PPFIBP1: variants seen among roughly 807,000 people sequenced by gnomAD.
PPFIBP1 encodes liprin-beta-1.
In PPFIBP1, 112 loss-of-function variants were observed where a neutral mutation model predicts 137.8. That is an observed-to-expected ratio of 0.81 (90% CI 0.70 to 0.95). The LOEUF is 0.95. Ranked by LOEUF, PPFIBP1 falls within the 40% of genes least tolerant of loss-of-function variation. PPFIBP1 has a pLI of 0.00. For missense variants in PPFIBP1, 1,083 were observed against 1,196.6 expected (o/e 0.91, Z 1.40); for synonymous variants, 378 against 417.3 (o/e 0.91, Z 1.15).
chr12:27,563,790 G>T (rs2136454482), intron 1 of PPFIBP1, among the ~76,000 whole-genome samples: 1 of 151,158 alleles, frequency 6.6e-6, no homozygotes, highest in East Asian at 1.9e-4. Flanking sequence ...GGGTTTTTTT[G>T]TTTTTTAACA....
Position 27,691,862 on chromosome 12 carries a change from G to T in PPFIBP1, c.2799G>T (p.Lys933Asn). 1 of 1,614,088 alleles carries T rather than the reference G, an allele frequency of 6.2e-7. No homozygotes were observed. The highest frequency in any genetic ancestry group is 2.2e-5 in the East Asian group (1 of 44,868). Residue 933 changes from lysine to asparagine, a missense_variant, in exon 28 of 30, where the codon AAG becomes AAT. Lys to Asn is a moderately conservative substitution (Grantham distance 94). Coordinates refer to ENST00000228425, the MANE Select transcript of PPFIBP1 (RefSeq NM_003622.4). ...ELGQASGSAS[K>N]KGFKPGLDMR... ...GACAGGCATCAGGAAGTGCATCTAA[G>T]AAAGGATTTAAACCTGGTTTGGATA...
At chr12:27,637,805 T>C (rs979421926) in intron 4 of PPFIBP1, among the ~76,000 whole-genome samples, 4 of 152,192 alleles carry the variant, frequency 2.6e-5, no homozygotes, top group South Asian at 2.1e-4. Flanking sequence ...TGGGCCAGCA[T>C]TGGGAATCCA....
intron 2 of PPFIBP1, among the ~76,000 whole-genome samples, chr12:27,615,376 A>G (rs73080245): frequency 0.15 from 22,200 of 152,212 alleles, 1,671 homozygotes; most frequent in African/African-American, 0.16. Context: ...TGCAAAATGC[A>G]TGTCCACACC....
At chr12:27,629,144 G>A (rs7977917) in intron 2 of PPFIBP1, among the ~76,000 whole-genome samples, 1 of 152,076 alleles carries the variant, frequency 6.6e-6, no homozygotes, top group Non-Finnish European at 1.5e-5. Context: ...GAAGCTAAAC[G>A]GTATTATTAA....
intron 2 of PPFIBP1, among the ~76,000 whole-genome samples, chr12:27,593,161 C>T (rs1216972411): frequency 7.0e-6 from 1 of 142,500 alleles, no homozygotes; most frequent in East Asian, 2.1e-4. Flanking sequence ...GCCCAAGTGT[C>T]AATGCAAAGC....
In PPFIBP1 at chr12:27,635,265, C is replaced by A. The variant is rs2057574799; in HGVS notation, c.270+150C>A. ...TTAAGATATCTTAATTTTCTTTTGA[C>A]TCTAAGGATAACTTTTTAAAAAGTG... On this transcript the variant is annotated intron_variant, in intron 4 of 29. Coordinates refer to ENST00000228425, the MANE Select transcript of PPFIBP1 (RefSeq NM_003622.4). The A allele has an allele frequency of 1.3e-5, 10 of 744,140 alleles. No homozygotes were observed. The South Asian group carries it at 1.5e-4, about 11-fold the overall frequency. The allele number at this position is 744,140 out of a possible 1,614,324, so 46.1% of individuals were successfully genotyped here. A position where few individuals can be genotyped will look rare whatever the true frequency, so the allele number is the denominator to read the frequency against.
rs539087379 is a variant in PPFIBP1 at position 27,677,155 on chromosome 12, C to G, written c.1615+59C>G. On this transcript the variant is annotated intron_variant, in intron 19 of 29. Transcript: ENST00000228425. ...ACTGTGCTCCAAACCAATCTAATCCCTGCTCTTGGCATCTGTGATCTCTAG... is the reference window on the plus strand; with the variant it reads ...ACTGTGCTCCAAACCAATCTAATCCGTGCTCTTGGCATCTGTGATCTCTAG... 1.5e-5 allele frequency: 24 copies of G among 1,590,988 alleles called. No homozygotes were observed. In the South Asian group the frequency reaches 2.4e-4, roughly 16 times the overall value.
At chr12:27,557,529 G>T (rs888602274) in intron 1 of PPFIBP1, among the ~76,000 whole-genome samples, 7 of 152,056 alleles carry the variant, frequency 4.6e-5, no homozygotes, top group Admixed American at 6.5e-5. Flanking sequence ...CACCACGCCC[G>T]GCTACATCAT....
chr12:27,645,392 A>T lies in PPFIBP1; in HGVS notation c.271-670A>T, dbSNP rs75015027. On this transcript the variant is annotated intron_variant, in intron 4 of 29. Transcript: ENST00000228425. ...CAATCTATACATCGTTTCTCAATCT[A>T]TACTTCCTTTGGCATTTATACCACG... Among the ~76,000 whole-genome samples the T allele has an allele frequency of 9.3e-3, 1,412 of 152,252 alleles. 62 individuals are homozygous for T. The East Asian group carries it at 0.12, about 12-fold the overall frequency.
intron 2 of PPFIBP1, among the ~76,000 whole-genome samples, chr12:27,594,204 G>A (rs2052909368): frequency 7.6e-6 from 1 of 131,252 alleles, no homozygotes; most frequent in Non-Finnish European, 1.6e-5. Context: ...TTGAGATGGA[G>A]TCTCACTCTG....
chr12:27,646,408 CTTT>C (rs59630572), intron 5 of PPFIBP1: 7,181 of 333,976 alleles, frequency 0.022, no homozygotes, highest in East Asian at 0.041. Flanking sequence ...CTGATCTGTT[CTTT>C]TTTTTTTTTT....
chr12:27,564,169 C>T (rs1268409860), intron 1 of PPFIBP1, among the ~76,000 whole-genome samples: 4 of 152,146 alleles, frequency 2.6e-5, no homozygotes, highest in Non-Finnish European at 4.4e-5. Context: ...CCGTGCCTGG[C>T]CAATGCTTAC....
intron 1 of PPFIBP1, among the ~76,000 whole-genome samples, chr12:27,568,167 TGAA>T (rs2049843283): frequency 6.6e-6 from 1 of 152,206 alleles, no homozygotes; most frequent in South Asian, 2.1e-4. Flanking sequence ...GATGGTGTTG[TGAA>T]GAAGAAGGGT....
chr12:27,695,146 T>A lies in PPFIBP1; in HGVS notation c.*2264T>A, dbSNP rs1194421679. 1 of 150,872 alleles carries A rather than the reference T, an allele frequency of 6.6e-6. No individual in the cohort carries two copies. The highest frequency in any genetic ancestry group is 2.4e-5 in the African/African-American group (1 of 40,962). The allele number at this position is 150,872 out of a possible 1,614,324, so 9.3% of individuals were successfully genotyped here. ...TTTTTTTTTTTTTTGAGACGGAGTC[T>A]TGCTCTGTTGCCCAGGCTGGAGTGC... is the stretch of plus-strand genomic sequence containing the variant. On this transcript the variant is annotated 3_prime_UTR_variant, in exon 30 of 30. Transcript: ENST00000228425.
chr12:27,684,391 G>A lies in PPFIBP1; in HGVS notation c.2247+1688G>A, dbSNP rs2061075140. 2.6e-5 allele frequency among the ~76,000 whole-genome samples: 4 copies of A among 152,234 alleles called. No individual in the cohort carries two copies. The South Asian group carries it at 8.3e-4, about 31-fold the overall frequency. On this transcript the variant is annotated intron_variant, in intron 24 of 29. Transcript: ENST00000228425. ...CCCAAAGTGCTGGGATTACAGGCGT[G>A]AGCCACTGTGCCCGGCCTAAAATTC... is the stretch of plus-strand genomic sequence containing the variant.
intron 2 of PPFIBP1, among the ~76,000 whole-genome samples, chr12:27,582,220 G>A (rs548646720): frequency 6.6e-6 from 1 of 152,246 alleles, no homozygotes; most frequent in South Asian, 2.1e-4. Context: ...GCGTGTGTAT[G>A]TGTGTGTGCA....
intron 6 of PPFIBP1, among the ~76,000 whole-genome samples, chr12:27,649,465 A>G (rs950344167): frequency 1.3e-5 from 2 of 152,210 alleles, no homozygotes; most frequent in Non-Finnish European, 2.9e-5. Context: ...ATGTGTATCT[A>G]CACAACATAT....
chr12:27,606,145 G>T (rs2054501089), intron 2 of PPFIBP1, among the ~76,000 whole-genome samples: 1 of 152,192 alleles, frequency 6.6e-6, no homozygotes, highest in South Asian at 2.1e-4. Flanking sequence ...AACCCAAATT[G>T]CTTTGACAAA....
intron 1 of PPFIBP1, among the ~76,000 whole-genome samples, chr12:27,549,974 A>G (rs1946605129): frequency 6.6e-6 from 1 of 152,260 alleles, no homozygotes; most frequent in Admixed American, 6.5e-5. Flanking sequence ...GGTTAAGGAC[A>G]CAGGCTTTGA....
Sources: allele counts gnomAD v4.1 joint callset (sites outside exome capture counted in the v4.1 genomes callset), GRCh38; gene constraint gnomAD v4.1.1; transcripts MANE v1.5; gene names NCBI Gene and HGNC (gene_info 2026-07-23, HGNC 2026-07-21).